The following CDH13 variants were observed in gnomAD, a reference collection of about 807,000 sequenced individuals.
CDH13 encodes cadherin 13, also known as cadherin-13.
In CDH13, 24 loss-of-function variants were observed where a neutral mutation model predicts 63.8. The observed-to-expected ratio is 0.38, with a 90% CI of 0.27 to 0.53. The LOEUF is 0.53. Among genes scored for constraint, CDH13 ranks in the 20% least tolerant of loss-of-function variants. The probability of loss-of-function intolerance (pLI) is 0.85; values close to 1 mark genes in which losing one functional copy is unlikely to be tolerated. For missense variants in CDH13, 1,049 were observed against 903.1 expected (o/e 1.16, Z -2.07); for synonymous variants, 503 against 355.3 (o/e 1.42, Z -4.67).
chr16:83,759,499 A>G (rs1307223870), intron 11 of CDH13, among the ~76,000 whole-genome samples: 2 of 150,406 alleles, frequency 1.3e-5, no homozygotes, highest in Non-Finnish European at 2.9e-5. Context: ...TTTCGTAATT[A>G]GGATACAAAA....
At chr16:83,421,745 T>C (rs1055869984) in intron 6 of CDH13, among the ~76,000 whole-genome samples, 1 of 152,188 alleles carries the variant, frequency 6.6e-6, no homozygotes, top group Non-Finnish European at 1.5e-5. Flanking sequence ...AGGATGCAAT[T>C]GGAAATGGAC....
At chr16:83,493,902 T>G (rs2074076360) in intron 7 of CDH13, among the ~76,000 whole-genome samples, 2 of 152,204 alleles carry the variant, frequency 1.3e-5, no homozygotes, top group Non-Finnish European at 2.9e-5. Context: ...TCTCGACATT[T>G]CTAGCCTGAT....
intron 3 of CDH13, among the ~76,000 whole-genome samples, chr16:83,048,374 C>G: frequency 6.6e-6 from 1 of 152,246 alleles, no homozygotes; most frequent in South Asian, 2.1e-4. Flanking sequence ...GGGGGTGATA[C>G]GAAAATGACT....
intron 6 of CDH13, among the ~76,000 whole-genome samples, chr16:83,416,317 A>C (rs1308412051): frequency 6.6e-6 from 1 of 152,172 alleles, no homozygotes; most frequent in Middle Eastern, 3.2e-3. Flanking sequence ...CATCCACATT[A>C]CCCAAAATTA....
chr16:83,459,609 C>G (rs577039519), intron 6 of CDH13, among the ~76,000 whole-genome samples: 1 of 152,176 alleles, frequency 6.6e-6, no homozygotes, highest in Admixed American at 6.5e-5. Flanking sequence ...AGGAAAATGG[C>G]TGACAGATTC....
At chr16:83,671,223 A>T (rs995484513) in intron 9 of CDH13, among the ~76,000 whole-genome samples, 3 of 152,168 alleles carry the variant, frequency 2.0e-5, no homozygotes, top group Non-Finnish European at 4.4e-5. Flanking sequence ...CTTTAAGAAA[A>T]CCAAACTTAA....
intron 1 of CDH13, among the ~76,000 whole-genome samples, chr16:82,731,788 ATG>A (rs2033417056): frequency 6.6e-6 from 1 of 152,252 alleles, no homozygotes; most frequent in African/African-American, 2.4e-5. Flanking sequence ...TTTGTAAATT[ATG>A]TGTTACTTAT....
At chr16:82,739,216 A>G (rs1392457620) in intron 1 of CDH13, among the ~76,000 whole-genome samples, 1 of 141,566 alleles carries the variant, frequency 7.1e-6, no homozygotes, top group East Asian at 1.9e-4. Flanking sequence ...ATTTTTTAGT[A>G]ATTACATAAA....
rs374607859 is a variant in CDH13, at chr16:83,670,787, C to T, written c.1102-3C>T. ...TGACCATTACCATCTGCTTTGTTTG[C>T]AGTTTCAAGCCACAGTCGAGGAAGG... On this transcript the variant is annotated splice_polypyrimidine_tract_variant and splice_region_variant and intron_variant, in intron 8 of 13. Coordinates refer to ENST00000567109, the MANE Select transcript of CDH13 (RefSeq NM_001257.5). 21 of 1,613,624 alleles carry T rather than the reference C, an allele frequency of 1.3e-5. No individual in the cohort carries two copies. In the African/African-American group the frequency reaches 2.1e-4, roughly 16 times the overall value.
intron 7 of CDH13, among the ~76,000 whole-genome samples, chr16:83,553,643 G>T (rs1375825249): frequency 1.3e-5 from 2 of 152,142 alleles, no homozygotes; most frequent in African/African-American, 4.8e-5. Flanking sequence ...TGCAACCTCT[G>T]CCTCTTGGGT....
chr16:83,779,504 AGTCTT>A (rs1915369533), intron 11 of CDH13, among the ~76,000 whole-genome samples: 1 of 142,394 alleles, frequency 7.0e-6, no homozygotes, highest in African/African-American at 2.6e-5. Context: ...TATTATTGTT[AGTCTT>A]GTTTGCAACT....
rs1010894136 is a variant in CDH13, at chr16:82,644,064, A to G, written c.45+16927A>G. 2.0e-5 allele frequency among the ~76,000 whole-genome samples: 3 copies of G among 152,116 alleles called. No homozygotes were observed. The highest frequency in any genetic ancestry group is 4.8e-5 in the African/African-American group (2 of 41,410). On this transcript the variant is annotated intron_variant, in intron 1 of 13. Coordinates refer to ENST00000567109, the MANE Select transcript of CDH13 (RefSeq NM_001257.5). This position sits in a 1 kb window ranked among gnomAD's most constrained non-coding sequence, Gnocchi z 5.7. ...TAAGTGGTTTAGGATGGGGGGTGGT[A>G]TGGAGGTCGGGTGGGGAGAAAGAGG...
chr16:83,103,921 G>C (rs1259349361), intron 3 of CDH13, among the ~76,000 whole-genome samples: 1 of 152,158 alleles, frequency 6.6e-6, no homozygotes, highest in Non-Finnish European at 1.5e-5. Context: ...CAAAAAATTT[G>C]AAATAAAAAA....
chr16:83,398,838 C>T (rs568537823), intron 6 of CDH13, among the ~76,000 whole-genome samples: 2 of 152,254 alleles, frequency 1.3e-5, no homozygotes, highest in East Asian at 3.9e-4. Flanking sequence ...TTATTGTGCC[C>T]ATTAAGCCAG....
At chr16:83,208,953 G>T (rs1261476488) in intron 4 of CDH13, among the ~76,000 whole-genome samples, 1 of 152,052 alleles carries the variant, frequency 6.6e-6, no homozygotes, top group African/African-American at 2.4e-5. Context: ...GGATAGGGAG[G>T]GTATTAAGTC....
intron 2 of CDH13, among the ~76,000 whole-genome samples, chr16:82,926,305 A>C (rs1457724414): frequency 6.6e-6 from 1 of 152,198 alleles, no homozygotes; most frequent in Non-Finnish European, 1.5e-5. Context: ...AAGAAAAAAA[A>C]AGGCCAGAAG....
chr16:83,562,680 G>T (rs1190220071), intron 7 of CDH13, among the ~76,000 whole-genome samples: 7 of 152,172 alleles, frequency 4.6e-5, no homozygotes, highest in African/African-American at 1.7e-4. Context: ...GAACGTTTTT[G>T]ATGTCTGTTA....
chr16:83,671,385 A>G (rs185693483), intron 9 of CDH13, among the ~76,000 whole-genome samples: 2 of 152,112 alleles, frequency 1.3e-5, no homozygotes, highest in Non-Finnish European at 2.9e-5. Context: ...AGTAGCTGGG[A>G]TTACAGCTGC....
At chr16:83,316,057 G>C (rs530864328) in intron 5 of CDH13, among the ~76,000 whole-genome samples, 1 of 152,132 alleles carries the variant, frequency 6.6e-6, no homozygotes, top group East Asian at 1.9e-4. Context: ...TGGTGGAAGG[G>C]GAAGGAAACA....
Sources: allele counts gnomAD v4.1 joint callset (sites outside exome capture counted in the v4.1 genomes callset), GRCh38; gene constraint gnomAD v4.1.1; non-coding constraint Gnocchi (gnomAD v3.1); transcripts MANE v1.5; gene names NCBI Gene and HGNC (gene_info 2026-07-23, HGNC 2026-07-21).